MGAT4C: variants seen among roughly 807,000 people sequenced by gnomAD.
The protein encoded by MGAT4C is MGAT4 family member C.
In MGAT4C, 19 loss-of-function variants were observed where a neutral mutation model predicts 40.1. The observed-to-expected ratio is 0.47, with a 90% CI of 0.33 to 0.70. The LOEUF (loss-of-function observed/expected upper bound fraction) is 0.70, where lower values mean the gene tolerates loss of function less well. MGAT4C is among the 30% of genes least tolerant of loss of function. The pLI, the probability that MGAT4C is intolerant of heterozygous loss-of-function variation, is 0.02. For missense variants in MGAT4C, 491 were observed against 563.2 expected (o/e 0.87, Z 1.30); for synonymous variants, 181 against 187.1 (o/e 0.97, Z 0.27).
At chr12:86,233,651 GT>G (rs1268491128) in intron 1 of MGAT4C, among the ~76,000 whole-genome samples, 1 of 151,710 alleles carries the variant, frequency 6.6e-6, no homozygotes. Context: ...TTCACTTATG[GT>G]TTTTTTTCTT....
intron 1 of MGAT4C, among the ~76,000 whole-genome samples, chr12:86,109,097 C>T (rs1876736727): frequency 6.6e-6 from 1 of 152,108 alleles, no homozygotes. Context: ...TTTAAATCAG[C>T]ACTATTGATC....
chr12:86,804,160 A>T (rs1285154060), intron 1 of MGAT4C, among the ~76,000 whole-genome samples: 1 of 151,276 alleles, frequency 6.6e-6, no homozygotes, highest in Non-Finnish European at 1.5e-5. Flanking sequence ...GTAAACTATC[A>T]CAAGAACAAA....
intron 1 of MGAT4C, among the ~76,000 whole-genome samples, chr12:86,074,547 G>C (rs778315298): frequency 3.9e-5 from 6 of 152,124 alleles, no homozygotes; most frequent in Non-Finnish European, 8.8e-5. Flanking sequence ...GTCTCTTACA[G>C]TGCTTTAGAG....
At chr12:86,616,612 T>A (rs564420942) in intron 2 of MGAT4C, among the ~76,000 whole-genome samples, 26 of 152,030 alleles carry the variant, frequency 1.7e-4, no homozygotes, top group African/African-American at 4.8e-5. Flanking sequence ...TTCAAAAATA[T>A]CAACATTTTA....
At chr12:86,468,268 CCAAACCTT>C (rs1331057251) in intron 2 of MGAT4C, among the ~76,000 whole-genome samples, 4 of 152,016 alleles carry the variant, frequency 2.6e-5, no homozygotes, top group Non-Finnish European at 4.4e-5. Flanking sequence ...ACCTTGCAGG[CCAAACCTT>C]TTCAAATCAT....
intron 1 of MGAT4C, among the ~76,000 whole-genome samples, chr12:86,772,821 A>G (rs1193282482): frequency 6.6e-6 from 1 of 152,154 alleles, no homozygotes; most frequent in African/African-American, 2.4e-5. Context: ...TGTATTTTCA[A>G]AGAAGACAAC....
chr12:86,093,489 GAGGCCGAGGCAGGTGGATCACCTGAGCTC>G (rs1449982014), intron 1 of MGAT4C, among the ~76,000 whole-genome samples: 3 of 152,014 alleles, frequency 2.0e-5, no homozygotes, highest in Non-Finnish European at 4.4e-5. Context: ...AGCACTTTGG[GAGGCCGAGGCAGGTGGATCACCTGAGCTC>G]AGGAGTTAGA....
chr12:86,268,761 C>T (rs1174936612), intron 4 of MGAT4C, among the ~76,000 whole-genome samples: 1 of 134,232 alleles, frequency 7.4e-6, no homozygotes, highest in Non-Finnish European at 1.7e-5. Context: ...GCTCTGCCAA[C>T]AATAAATTCA....
chr12:86,479,979 A>G (rs1957905849), intron 2 of MGAT4C, among the ~76,000 whole-genome samples: 2 of 151,864 alleles, frequency 1.3e-5, no homozygotes, highest in South Asian at 4.1e-4. Context: ...AAGTTAATTT[A>G]ACCGTTAGTC....
chr12:86,641,363 C>T (rs978420980), intron 2 of MGAT4C, among the ~76,000 whole-genome samples: 3 of 148,536 alleles, frequency 2.0e-5, no homozygotes, highest in South Asian at 2.1e-4. Context: ...ACTCTGGGGA[C>T]TGTTGTGGGG....
At chr12:85,985,673 T>C (rs1234098056) in intron 3 of MGAT4C, among the ~76,000 whole-genome samples, 3 of 152,150 alleles carry the variant, frequency 2.0e-5, no homozygotes, top group Non-Finnish European at 2.9e-5. Flanking sequence ...CTTAGAAATA[T>C]ACTAATTGGC....
chr12:86,759,259 T>G (rs1951359700), intron 1 of MGAT4C, among the ~76,000 whole-genome samples: 1 of 152,156 alleles, frequency 6.6e-6, no homozygotes. Context: ...TGTGTATATA[T>G]ACCATGGTGT....
chr12:86,191,751 G>GGTGTGTGTGTGTGTGTGTGTGTGT lies in MGAT4C; in HGVS notation c.-57+64464_-57+64487dup, dbSNP rs570173863. ...GGTTAAGTTTGCTACAGGAGATAAA[G>GGTGTGTGTGTGTGTGTGTGTGTGT]GTGTGTGTGTGTGTGTGTGTGTGTG... On this transcript the variant is annotated intron_variant, in intron 1 of 4. Transcript: ENST00000611864. Among the ~76,000 whole-genome samples the GGTGTGTGTGTGTGTGTGTGTGTGT allele has an allele frequency of 4.0e-4, 39 of 98,568 alleles. 1 individual carries two copies. Among genetic ancestry groups the GGTGTGTGTGTGTGTGTGTGTGTGT allele is most frequent in the South Asian group, 3.8e-3 (6 of 1,586 alleles). 64.7% of individuals were successfully genotyped at this position (98,568 alleles called of 152,430 possible). A position where few individuals can be genotyped will look rare whatever the true frequency, so the allele number is the denominator to read the frequency against.
chr12:86,697,477 CA>C (rs553804451), intron 2 of MGAT4C, among the ~76,000 whole-genome samples: 36 of 150,150 alleles, frequency 2.4e-4, no homozygotes, highest in South Asian at 4.2e-4. Context: ...ATTTCCATGA[CA>C]AAAAAAAAGT....
At chr12:86,716,644 T>C (rs1950649259) in intron 2 of MGAT4C, among the ~76,000 whole-genome samples, 1 of 152,070 alleles carries the variant, frequency 6.6e-6, no homozygotes, top group Non-Finnish European at 1.5e-5. Flanking sequence ...ACAAAATTTG[T>C]AGAAAGGAGA....
At chr12:86,221,305 A>T (rs1167958497) in intron 1 of MGAT4C, among the ~76,000 whole-genome samples, 1 of 152,122 alleles carries the variant, frequency 6.6e-6, no homozygotes, top group African/African-American at 2.4e-5. Context: ...TAAGAGTCTT[A>T]AATACTTGTA....
intron 1 of MGAT4C, among the ~76,000 whole-genome samples, chr12:86,054,472 A>C (rs1486672956): frequency 6.6e-6 from 1 of 152,024 alleles, no homozygotes; most frequent in African/African-American, 2.4e-5. Context: ...TACAATTTCA[A>C]TTAGATAGGT....
At chr12:86,149,661 A>G (rs536195014) in intron 1 of MGAT4C, among the ~76,000 whole-genome samples, 11 of 152,326 alleles carry the variant, frequency 7.2e-5, no homozygotes, top group African/African-American at 2.6e-4. Context: ...GCTGTAAAGA[A>G]ATTATCTAAA....
intron 2 of MGAT4C, among the ~76,000 whole-genome samples, chr12:86,541,215 G>A (rs1959166195): frequency 6.6e-6 from 1 of 152,102 alleles, no homozygotes; most frequent in Non-Finnish European, 1.5e-5. Context: ...GAAAAGAAAT[G>A]CTTCCAACAA....
Sources: gnomAD v4.1 joint callset for allele counts (sites outside exome capture counted in the v4.1 genomes callset) on GRCh38, gnomAD v4.1.1 for gene constraint, MANE v1.5 for transcripts, NCBI Gene and HGNC (gene_info 2026-07-23, HGNC 2026-07-21) for gene names.